Variants in RHCE observed in about 807,000 individuals in gnomAD.
RHCE encodes the protein blood group Rh(CE) polypeptide.
A neutral mutation model predicts 43.8 loss-of-function variants in RHCE; 22 were observed. That is an observed-to-expected ratio of 0.50 (90% CI 0.36 to 0.72). The LOEUF (loss-of-function observed/expected upper bound fraction) is 0.72. Among genes scored for constraint, RHCE ranks in the 30% least tolerant of loss-of-function variants. RHCE has a pLI of 0.00. For synonymous variants in RHCE, 156 were observed against 210.7 expected (o/e 0.74, Z 2.25); for missense variants, 385 against 525.4 (o/e 0.73, Z 2.61).
chr1:25,374,725 C>T (rs2124330866), intron 8 of RHCE, among the ~76,000 whole-genome samples: 1 of 73,380 alleles, frequency 1.4e-5, no homozygotes, highest in South Asian at 5.3e-4. Context: ...CCCTCCTCTT[C>T]ATTGGGGTCT....
chr1:25,423,086 T>C (rs2042779328), upstream of RHCE, among the ~76,000 whole-genome samples: 1 of 152,154 alleles, frequency 6.6e-6, no homozygotes. Flanking sequence ...TCTAGGAACA[T>C]GGGCTTCTAA....
intron 1 of RHCE, among the ~76,000 whole-genome samples, chr1:25,418,005 A>G (rs1051052207): frequency 2.0e-5 from 3 of 151,970 alleles, no homozygotes; most frequent in Non-Finnish European, 4.4e-5. Context: ...TCTACCACCC[A>G]CTGCTTCCCT....
Position 25,399,302 on chromosome 1 carries a change from T to C in RHCE, c.486+3294A>G, listed in dbSNP as rs994501866. The C allele has an allele frequency of 1.4e-4, 112 of 828,730 alleles. No homozygotes were observed. The African/African-American group carries it at 1.8e-3, about 13-fold the overall frequency. The allele number at this position is 828,730 out of a possible 1,614,324, so 51.3% of individuals were successfully genotyped here. A position where few individuals can be genotyped will look rare whatever the true frequency, so the allele number is the denominator to read the frequency against. On this transcript the variant is annotated intron_variant, in intron 3 of 9. Coordinates refer to ENST00000294413, the MANE Select transcript of RHCE (RefSeq NM_020485.8). ...AAGGAAGAAATAACAGATAAGTCCA[T>C]TGGTGGACAGCCTTCTTCTCTTAAT...
intron 3 of RHCE, among the ~76,000 whole-genome samples, chr1:25,393,570 G>A (rs1018835615): frequency 1.3e-5 from 2 of 152,176 alleles, no homozygotes; most frequent in Non-Finnish European, 2.9e-5. Context: ...GTAGTGAGCT[G>A]AGATGGCGCC....
intron 8 of RHCE, among the ~76,000 whole-genome samples, chr1:25,373,171 G>A (rs1439541200): frequency 6.6e-6 from 1 of 151,498 alleles, no homozygotes; most frequent in East Asian, 1.9e-4. Flanking sequence ...ACTCTTAAAG[G>A]AACAATATGA....
chr1:25,403,309 T>A (rs941259861), intron 2 of RHCE, among the ~76,000 whole-genome samples: 1 of 151,748 alleles, frequency 6.6e-6, no homozygotes, highest in Admixed American at 6.6e-5. Flanking sequence ...CTGAGCCTAT[T>A]TCTCCTTCTG....
intron 3 of RHCE, chr1:25,399,309 A>G: frequency 1.2e-6 from 1 of 809,500 alleles, no homozygotes; most frequent in Non-Finnish European, 2.1e-6. Flanking sequence ...CCATTGGTGG[A>G]CAGCCTTCTT....
exon 2 of RHCE, chr1:25,429,011 C>T (rs532024048): frequency 6.6e-6 from 1 of 152,298 alleles, no homozygotes; most frequent in Non-Finnish European, 1.5e-5. Flanking sequence ...GGATGCCCTT[C>T]GAAACAGAAT....
At chr1:25,411,559 T>G (rs1158970884) in intron 1 of RHCE, 2 of 1,198,986 alleles carry the variant, frequency 1.7e-6, no homozygotes, top group African/African-American at 3.1e-5. Flanking sequence ...CCCAAGGACC[T>G]CCACGGGACC....
At chr1:25,386,475 A>C (rs954628708) in intron 6 of RHCE, among the ~76,000 whole-genome samples, 1 of 152,214 alleles carries the variant, frequency 6.6e-6, no homozygotes, top group African/African-American at 2.4e-5. Context: ...GTGGACACAT[A>C]TGCAAATTCA....
At chr1:25,387,783 T>C (rs948502986) in intron 6 of RHCE, among the ~76,000 whole-genome samples, 1 of 152,190 alleles carries the variant, frequency 6.6e-6, no homozygotes, top group Non-Finnish European at 1.5e-5. Flanking sequence ...CAGGATTTCA[T>C]TCTTTTTATG....
intron 2 of RHCE, among the ~76,000 whole-genome samples, chr1:25,404,330 G>C (rs1228134183): frequency 5.5e-5 from 8 of 146,112 alleles, no homozygotes; most frequent in South Asian, 2.1e-4. Flanking sequence ...AGCTGGCCTA[G>C]ATCCAAAGCC....
chr1:25,402,602 G>T lies in RHCE; in HGVS notation c.480C>A (p.Ile160=), dbSNP rs750068456. ...TCCCAGCACCATGACTCACGTTGAA[G>T]ATATTACTGATGACCATCCTCAGGG... is the stretch of plus-strand genomic sequence containing the variant. ...LGTLRMVISN[I]FNTDYHMNLR... is the part of the protein sequence containing the mutation. Residue 160 remains isoleucine (I), a synonymous_variant, in exon 3 of 10, where the codon ATC becomes ATA. Transcript: ENST00000294413. 5.0e-6 allele frequency: 8 copies of T among 1,613,880 alleles called. No individual in the cohort carries two copies. The highest frequency in any genetic ancestry group is 6.8e-6 in the Non-Finnish European group (8 of 1,180,012).
intron 7 of RHCE, among the ~76,000 whole-genome samples, chr1:25,380,070 A>T (rs1161050841): frequency 6.8e-6 from 1 of 146,398 alleles, no homozygotes; most frequent in Non-Finnish European, 1.5e-5. Context: ...CTTAAGGTAC[A>T]ATTCATTCTA....
intron 1 of RHCE, among the ~76,000 whole-genome samples, chr1:25,414,633 G>A (rs1374112185): frequency 1.3e-5 from 2 of 152,174 alleles, no homozygotes; most frequent in East Asian, 3.9e-4. Flanking sequence ...TGCCTTTGAG[G>A]AGTATGGGGT....
intron 7 of RHCE, among the ~76,000 whole-genome samples, chr1:25,379,267 G>A (rs1445201118): frequency 1.3e-5 from 2 of 151,324 alleles, no homozygotes; most frequent in African/African-American, 4.9e-5. Context: ...GCCCCACCCT[G>A]ATGACTTTAT....
intron 2 of RHCE, among the ~76,000 whole-genome samples, chr1:25,427,147 C>T (rs926438): frequency 0.58 from 88,290 of 151,972 alleles, 26,897 homozygotes; most frequent in African/African-American, 0.76. Context: ...GTGATTCTTA[C>T]AGGGCAGGAA....
In RHCE at chr1:25,370,514, T is replaced by C; in HGVS notation, c.1180A>G (p.Lys394Glu). ...TGLLLNLKIW[K>E]APHVAKYFDD... ...AAATATTTAGCCACATGAGGTGCTT[T>C]CCATATTTTGAGATTTAGGAGCAAA... is the stretch of plus-strand genomic sequence containing the variant. Residue 394 changes from lysine (K) to glutamate (E), a missense_variant, in exon 9 of 10, where the codon AAA (lysine) becomes GAA (glutamate). This residue lies in a region of RHCE where 26 missense variants were observed against 37.1 expected (regional missense o/e 0.70). Transcript: ENST00000294413. 6.2e-7 allele frequency: 1 copy of C among 1,612,652 alleles called. No homozygotes were observed. The highest frequency in any genetic ancestry group is 8.5e-7 in the Non-Finnish European group (1 of 1,179,342).
At chr1:25,383,005 A>T (rs1646047239) in intron 7 of RHCE, among the ~76,000 whole-genome samples, 1 of 152,230 alleles carries the variant, frequency 6.6e-6, no homozygotes, top group Admixed American at 6.5e-5. Context: ...AATGTTGCTA[A>T]AATCTCTCCC....
Sources: allele counts gnomAD v4.1 joint callset (sites outside exome capture counted in the v4.1 genomes callset), GRCh38; gene constraint gnomAD v4.1.1; regional missense constraint gnomAD v4.1.1; transcripts MANE v1.5; gene names NCBI Gene and HGNC (gene_info 2026-07-23, HGNC 2026-07-21).